LRP2BP: variants seen among roughly 807,000 people sequenced by gnomAD.
LRP2BP encodes the protein LRP2-binding protein.
LRP2BP carries 38 observed loss-of-function variants against 45.2 expected under a neutral mutation model. The ratio of observed to expected loss-of-function variants is 0.84; its 90% CI spans 0.65 to 1.10. The LOEUF (loss-of-function observed/expected upper bound fraction) is 1.10. LRP2BP is among the 50% of genes least tolerant of loss of function. The pLI is 0.00. For synonymous variants in LRP2BP, 153 were observed against 153.9 expected (o/e 0.99, Z 0.04); for missense variants, 385 against 418.9 (o/e 0.92, Z 0.71).
chr4:185,395,351 C>A lies in LRP2BP; in HGVS notation c.-594G>T, dbSNP rs905797046. On this transcript the variant is annotated 5_prime_UTR_variant, in exon 1 of 9. Coordinates refer to ENST00000505916, the MANE Select transcript of LRP2BP (RefSeq NM_001377440.1). ...TATGTTCAAAACTGTAAGAACGTGT[C>A]TGATACCCTTTATTAGTTAGGAATT... The A allele has an allele frequency of 1.0e-6, 1 of 985,290 alleles. No homozygotes were observed. The highest frequency in any genetic ancestry group is 6.2e-5 in the Admixed American group (1 of 16,256). 61.0% of individuals were successfully genotyped at this position (985,290 alleles called of 1,614,324 possible).
In LRP2BP at chr4:185,378,153, G is replaced by C. The variant is rs776661004; in HGVS notation, c.34C>G (p.Pro12Ala). ...KLTSEKLPKN[P>A]FYASVSQYAA... The stretch of plus-strand genomic sequence containing the variant: ...TACTGAGATACAGAGGCATAAAAGG[G>C]GTTCTTGGGCAACTTTTCACTGGTC... The change falls in exon 2 of 9, where the codon CCC (proline) becomes GCC (alanine). Residue 12 changes from proline to alanine, a missense_variant. By Grantham distance (27) the Pro-to-Ala change is conservative (BLOSUM62 -1). Coordinates refer to ENST00000505916, the MANE Select transcript of LRP2BP (RefSeq NM_001377440.1). The C allele has an allele frequency of 6.2e-7, 1 of 1,613,926 alleles. No homozygotes were observed. Among genetic ancestry groups the C allele is most frequent in the Non-Finnish European group, 8.5e-7 (1 of 1,179,958 alleles).
chr4:185,388,126 A>C (rs994555831), intron 1 of LRP2BP, among the ~76,000 whole-genome samples: 4 of 152,168 alleles, frequency 2.6e-5, no homozygotes, highest in African/African-American at 9.7e-5. Flanking sequence ...AACCCAGATG[A>C]TGGAGGAGTT....
rs1389931977 is a variant in LRP2BP, at chr4:185,366,662, T to C, written c.*518A>G. The stretch of plus-strand genomic sequence containing the variant: ...TTAATTCTTTAAATGTCTTTTACCC[T>C]TAGTTTTGTGAAATTTTAAATTTTT... On this transcript the variant is annotated 3_prime_UTR_variant, in exon 9 of 9. Coordinates refer to ENST00000505916, the MANE Select transcript of LRP2BP (RefSeq NM_001377440.1). 2.0e-5 allele frequency: 3 copies of C among 152,222 alleles called. No homozygotes were observed. Among genetic ancestry groups the C allele is most frequent in the Non-Finnish European group, 4.4e-5 (3 of 68,028 alleles). The allele number at this position is 152,222 out of a possible 1,614,324, so 9.4% of individuals were successfully genotyped here. A position where few individuals can be genotyped will look rare whatever the true frequency, so the allele number is the denominator to read the frequency against.
chr4:185,389,208 A>AT (rs1430816564), intron 1 of LRP2BP, among the ~76,000 whole-genome samples: 3 of 150,418 alleles, frequency 2.0e-5, no homozygotes, highest in African/African-American at 7.3e-5. Flanking sequence ...TTTTATTTTT[A>AT]TTTTATTTAT....
intron 6 of LRP2BP, 144 bp downstream of exon 6, chr4:185,373,991 G>T: frequency 1.5e-6 from 1 of 688,128 alleles, no homozygotes; most frequent in African/African-American, 1.8e-5. Context: ...AGGGCTTTGA[G>T]ATCCTAAAAT....
intron 1 of LRP2BP, among the ~76,000 whole-genome samples, chr4:185,385,729 C>T (rs2095469148): frequency 2.0e-5 from 3 of 147,328 alleles, no homozygotes; most frequent in African/African-American, 7.3e-5. Context: ...GGTGAAACTC[C>T]GTCTCTACTA....
In LRP2BP at chr4:185,395,534, CATT is replaced by C. The variant is rs1187227183; in HGVS notation, c.-780_-778del. On this transcript the variant is annotated 5_prime_UTR_variant, in exon 1 of 9. It removes an upstream start codon present in the reference 5' UTR. Coordinates refer to ENST00000505916, the MANE Select transcript of LRP2BP (RefSeq NM_001377440.1). Reference sequence around the variant, plus strand: ...CTCTACACTGCCGTTCTTTAAACATCATTAAAAGATATTGTGAATAGTTTAAAT... The same window carrying C: ...CTCTACACTGCCGTTCTTTAAACATCAAAAGATATTGTGAATAGTTTAAAT... 1.0e-6 allele frequency: 1 copy of C among 984,174 alleles called. No homozygotes were observed. Among genetic ancestry groups the C allele is most frequent in the Admixed American group, 6.2e-5 (1 of 16,250 alleles). 61.0% of individuals were successfully genotyped at this position (984,174 alleles called of 1,614,324 possible).
At chr4:185,377,686 C>G (rs1678987212) in intron 2 of LRP2BP, 2 of 171,010 alleles carry the variant, frequency 1.2e-5, no homozygotes, top group South Asian at 3.0e-4. Flanking sequence ...TTAATTTGAG[C>G]CTTAATGAGA....
chr4:185,383,697 A>G (rs1181665073), intron 1 of LRP2BP, among the ~76,000 whole-genome samples: 2 of 152,206 alleles, frequency 1.3e-5, no homozygotes, highest in Non-Finnish European at 2.9e-5. Context: ...TTGCATAAAC[A>G]ATGTGATTTG....
intron 1 of LRP2BP, among the ~76,000 whole-genome samples, chr4:185,379,199 A>T (rs2095447991): frequency 6.6e-6 from 1 of 152,230 alleles, no homozygotes. Flanking sequence ...AGATATATAC[A>T]ATTCTTGATT....
intron 1 of LRP2BP, chr4:185,378,995 A>G: frequency 1.0e-6 from 1 of 984,866 alleles, no homozygotes; most frequent in Non-Finnish European, 1.2e-6. Context: ...TCATTCCATG[A>G]TGCTATTTTA....
chr4:185,385,209 ATTTG>A (rs1443212946), intron 1 of LRP2BP, among the ~76,000 whole-genome samples: 5 of 152,020 alleles, frequency 3.3e-5, no homozygotes, highest in African/African-American at 1.2e-4. Flanking sequence ...CCACACGTCT[ATTTG>A]TTCTGTTCCC....
intron 1 of LRP2BP, among the ~76,000 whole-genome samples, chr4:185,394,210 G>A (rs1022358606): frequency 2.7e-5 from 4 of 148,558 alleles, no homozygotes; most frequent in African/African-American, 1.0e-4. Flanking sequence ...AGTGAGCTGA[G>A]ATCACGCCAC....
intron 8 of LRP2BP, 58 bp from the exon 9 acceptor site, chr4:185,367,303 C>CTTT: frequency 2.8e-5 from 31 of 1,105,132 alleles, no homozygotes; most frequent in African/African-American, 3.3e-5. Context: ...GGTCTTTCTT[C>CTTT]TTTTTTTTTT....
At position 185,364,558 on chromosome 4, in the gene LRP2BP, A is replaced by G. The variant is rs2126766726; in HGVS notation, c.*2622T>C. 6.6e-6 allele frequency: 1 copy of G among 152,346 alleles called. No individual in the cohort carries two copies. Among genetic ancestry groups the G allele is most frequent in the Non-Finnish European group, 1.5e-5 (1 of 68,036 alleles). The allele number at this position is 152,346 out of a possible 1,614,324, so 9.4% of individuals were successfully genotyped here. ...ATGCCAGTTTATATACGTATGATAT[A>G]CATATCATACCTGCTAACTTCTTGA... is the stretch of plus-strand genomic sequence containing the variant. On this transcript the variant is annotated 3_prime_UTR_variant, in exon 9 of 9. Transcript: ENST00000505916.
chr4:185,370,707 G>T lies in LRP2BP; in HGVS notation c.911C>A (p.Ala304Glu). 1 of 1,614,068 alleles carries T rather than the reference G, an allele frequency of 6.2e-7. No individual in the cohort carries two copies. The highest frequency in any genetic ancestry group is 8.5e-7 in the Non-Finnish European group (1 of 1,180,018). ...GCCCAAGCCAAGCTGAAGACACCTT[G>T]CGTGGTAGAAGGATGCCATTGCCAT... ...RGMAMASFYH[A>E]RCLQLGLGIT... The change falls in exon 8 of 9, where the codon GCA (alanine) becomes GAA (glutamate). Residue 304 changes from alanine to glutamate, a missense_variant. By Grantham distance (107) the Ala-to-Glu change is moderately radical (BLOSUM62 -1). Transcript: ENST00000505916.
intron 1 of LRP2BP, among the ~76,000 whole-genome samples, chr4:185,387,827 C>T (rs962768580): frequency 1.8e-4 from 27 of 152,216 alleles, no homozygotes; most frequent in African/African-American, 6.5e-4. Flanking sequence ...CAGCCCCCAG[C>T]CCCGGGCCTT....
chr4:185,378,641 T>C, intron 1 of LRP2BP: 1 of 988,108 alleles, frequency 1.0e-6, no homozygotes, highest in Non-Finnish European at 1.2e-6. Flanking sequence ...TTGTCTATTT[T>C]ACCTGGGAAT....
upstream of LRP2BP, chr4:185,396,575 G>C: frequency 3.3e-6 from 1 of 303,614 alleles, no homozygotes; most frequent in South Asian, 4.9e-5. Flanking sequence ...TGGGGCCGCC[G>C]CGGGCCCCGC....
Sources: allele counts gnomAD v4.1 joint callset (sites outside exome capture counted in the v4.1 genomes callset), GRCh38; gene constraint gnomAD v4.1.1; transcripts MANE v1.5; gene names NCBI Gene and HGNC (gene_info 2026-07-23, HGNC 2026-07-21).